Variants in NT5M observed in about 807,000 individuals in gnomAD.
NT5M encodes 5'(3')-deoxyribonucleotidase, mitochondrial.
A neutral mutation model predicts 22.2 loss-of-function variants in NT5M; 22 were observed. That is an observed-to-expected ratio of 0.99 (90% CI 0.71 to 1.41). The LOEUF (loss-of-function observed/expected upper bound fraction) is 1.41. Ranked by LOEUF, NT5M falls within the 40% of genes most tolerant of loss-of-function variation. The pLI is 0.00. For synonymous variants in NT5M, 167 were observed against 133.0 expected (o/e 1.26, Z -1.76); for missense variants, 322 against 314.8 (o/e 1.02, Z -0.17).
chr17:17,308,936 T>G (rs893204970), intron 2 of NT5M, among the ~76,000 whole-genome samples: 15 of 152,196 alleles, frequency 9.9e-5, no homozygotes, highest in African/African-American at 3.6e-4. Context: ...ATACTTACTA[T>G]TTTTATGGCT....
chr17:17,347,142 C>A lies in NT5M; in HGVS notation c.*195C>A. ...ACGGGGCAGGGCTGGGCCCTCTGGG[C>A]GCTTGGACATAGACACGTGGTCCCA... On this transcript the variant is annotated 3_prime_UTR_variant, in exon 5 of 5. Transcript: ENST00000389022. 1.4e-6 allele frequency: 1 copy of A among 713,368 alleles called. No individual in the cohort carries two copies. Among genetic ancestry groups the A allele is most frequent in the South Asian group, 1.9e-5 (1 of 51,704 alleles). The allele number at this position is 713,368 out of a possible 1,614,324, so 44.2% of individuals were successfully genotyped here.
intron 2 of NT5M, among the ~76,000 whole-genome samples, chr17:17,310,260 GA>G (rs2048896658): frequency 6.6e-6 from 1 of 152,074 alleles, no homozygotes; most frequent in African/African-American, 2.4e-5. Flanking sequence ...AGTTAACAAT[GA>G]AAAAAAGCCA....
At chr17:17,305,938 TG>T (rs2048791891) in intron 1 of NT5M, among the ~76,000 whole-genome samples, 2 of 152,148 alleles carry the variant, frequency 1.3e-5, no homozygotes, top group South Asian at 4.2e-4. Context: ...ACATGTAAAA[TG>T]AGGGTCTGCA....
intron 2 of NT5M, among the ~76,000 whole-genome samples, chr17:17,315,912 C>T (rs34025151): frequency 0.13 from 18,847 of 150,684 alleles, 1,528 homozygotes; most frequent in South Asian, 0.18. Context: ...CCACCACGCC[C>T]GGCTAATTTT....
At chr17:17,315,976 C>T (rs1408647182) in intron 2 of NT5M, among the ~76,000 whole-genome samples, 3 of 151,276 alleles carry the variant, frequency 2.0e-5, no homozygotes, top group East Asian at 1.9e-4. Flanking sequence ...AGAATGGTCT[C>T]GATCTCCTGA....
intron 3 of NT5M, 129 bp downstream of exon 3, chr17:17,323,374 C>A: frequency 1.3e-6 from 1 of 799,102 alleles, no homozygotes; most frequent in Non-Finnish European, 2.2e-6. Context: ...CAGCGGCTTT[C>A]TGCTCCCCAA....
chr17:17,344,182 A>G (rs1211777689), intron 3 of NT5M, among the ~76,000 whole-genome samples: 1 of 152,092 alleles, frequency 6.6e-6, no homozygotes, highest in Non-Finnish European at 1.5e-5. Context: ...CATGTCCGTT[A>G]GCACCTGGAA....
At position 17,345,654 on chromosome 17, in the gene NT5M, C is replaced by CACAAAA. The variant is rs1555632218; in HGVS notation, c.544+747_544+748insCAAAAA. ...CTCTACAAAAAAAAAAAAAAAAACA[C>CACAAAA]AAAAAAATTAGCTGATCATCATGGC... On this transcript the variant is annotated intron_variant, in intron 4 of 4. Coordinates refer to ENST00000389022, the MANE Select transcript of NT5M (RefSeq NM_020201.4). Among the ~76,000 whole-genome samples the CACAAAA allele has an allele frequency of 4.1e-3, 597 of 145,712 alleles. 4 individuals are homozygous for CACAAAA. The highest frequency in any genetic ancestry group is 7.1e-3 in the Admixed American group (103 of 14,606).
At chr17:17,345,314 T>G in intron 4 of NT5M, 1 of 1,001,658 alleles carries the variant, frequency 1.0e-6, no homozygotes, top group Non-Finnish European at 1.2e-6. Context: ...GCAGGGAAGG[T>G]GGGTTGGGAC....
At chr17:17,309,131 T>C (rs987464303) in intron 2 of NT5M, among the ~76,000 whole-genome samples, 12 of 151,332 alleles carry the variant, frequency 7.9e-5, no homozygotes, top group Middle Eastern at 3.4e-3. Flanking sequence ...TTCTTTCTTT[T>C]TTTTTTTTTT....
intron 3 of NT5M, among the ~76,000 whole-genome samples, chr17:17,340,118 T>C (rs1006619764): frequency 6.6e-6 from 1 of 152,212 alleles, no homozygotes; most frequent in Non-Finnish European, 1.5e-5. Flanking sequence ...CCCGGCCTTT[T>C]CTTTGCTGGG....
intron 3 of NT5M, among the ~76,000 whole-genome samples, chr17:17,344,253 T>G (rs2049709762): frequency 6.6e-6 from 1 of 152,214 alleles, no homozygotes. Flanking sequence ...AAGCCTTCCT[T>G]GGGCAGCCTG....
Position 17,347,147 on chromosome 17 carries a change from G to A in NT5M, c.*200G>A. On this transcript the variant is annotated 3_prime_UTR_variant, in exon 5 of 5. Coordinates refer to ENST00000389022, the MANE Select transcript of NT5M (RefSeq NM_020201.4). ...GCAGGGCTGGGCCCTCTGGGCGCTTGGACATAGACACGTGGTCCCAGGCCG... is the reference window on the plus strand; with the variant it reads ...GCAGGGCTGGGCCCTCTGGGCGCTTAGACATAGACACGTGGTCCCAGGCCG... 1 of 684,372 alleles carries A rather than the reference G, an allele frequency of 1.5e-6. No individual in the cohort carries two copies. The highest frequency in any genetic ancestry group is 2.4e-6 in the Non-Finnish European group (1 of 419,796). The allele number at this position is 684,372 out of a possible 1,614,324, so 42.4% of individuals were successfully genotyped here.
At chr17:17,316,339 T>C (rs2049026754) in intron 2 of NT5M, among the ~76,000 whole-genome samples, 1 of 151,820 alleles carries the variant, frequency 6.6e-6, no homozygotes, top group African/African-American at 2.4e-5. Context: ...ATTACATGCG[T>C]GAGCCACCGT....
chr17:17,311,062 C>T (rs995138067), intron 2 of NT5M, among the ~76,000 whole-genome samples: 1 of 152,080 alleles, frequency 6.6e-6, no homozygotes, highest in Admixed American at 6.5e-5. Context: ...TTGGGCCGGG[C>T]GCGGTGGCTC....
chr17:17,321,535 G>A (rs1273599020), intron 2 of NT5M, among the ~76,000 whole-genome samples: 3 of 151,866 alleles, frequency 2.0e-5, no homozygotes, highest in African/African-American at 7.3e-5. Flanking sequence ...GAAATGGGGC[G>A]GGTGTGTCCT....
At chr17:17,305,073 G>A (rs2048764933) in intron 1 of NT5M, among the ~76,000 whole-genome samples, 1 of 152,082 alleles carries the variant, frequency 6.6e-6, no homozygotes, top group South Asian at 2.1e-4. Flanking sequence ...AGTGTGTGGC[G>A]AGTGTTCATT....
intron 2 of NT5M, among the ~76,000 whole-genome samples, chr17:17,316,001 C>T (rs921434345): frequency 7.9e-5 from 12 of 151,508 alleles, no homozygotes; most frequent in Admixed American, 2.6e-4. Context: ...GTGATCAGCC[C>T]GCCTTGGCCT....
chr17:17,318,486 A>G (rs1243182639), intron 2 of NT5M, among the ~76,000 whole-genome samples: 1 of 137,856 alleles, frequency 7.3e-6, no homozygotes, highest in Non-Finnish European at 1.5e-5. Flanking sequence ...GTCTCAAAAA[A>G]AAAAAAAAAA....
Sources: gnomAD v4.1 joint callset for allele counts (sites outside exome capture counted in the v4.1 genomes callset) on GRCh38, gnomAD v4.1.1 for gene constraint, MANE v1.5 for transcripts, NCBI Gene and HGNC (gene_info 2026-07-23, HGNC 2026-07-21) for gene names.